The following POLR2D variants were observed in gnomAD, a reference collection of about 807,000 sequenced individuals.
POLR2D encodes DNA-directed RNA polymerase II subunit RPB4.
In POLR2D, 10 loss-of-function variants were observed where a neutral mutation model predicts 17.6. The ratio of observed to expected loss-of-function variants is 0.57; its 90% CI spans 0.35 to 0.96. POLR2D has a LOEUF of 0.96. Ranked by LOEUF, POLR2D falls within the 40% of genes least tolerant of loss-of-function variation. The pLI is 0.02. For missense variants in POLR2D, 126 were observed against 176.4 expected, an observed-to-expected ratio of 0.71 and a Z score of 1.62; for synonymous variants, 52 against 60.2, an observed-to-expected ratio of 0.86 and a Z score of 0.63.
intron 1 of POLR2D, among the ~76,000 whole-genome samples, chr2:127,855,357 C>T (rs1272600643): frequency 7.3e-6 from 1 of 137,250 alleles, no homozygotes; most frequent in Admixed American, 7.9e-5. Flanking sequence ...TGTGCCACTG[C>T]ACTCCAGCCT....
At chr2:127,849,648 AT>A (rs139341086) in intron 3 of POLR2D, among the ~76,000 whole-genome samples, 1 of 150,394 alleles carries the variant, frequency 6.6e-6, no homozygotes, top group South Asian at 2.1e-4. Context: ...TAGTTCATTG[AT>A]TTTTTTTTTA....
At chr2:127,855,195 G>A (rs932304435) in intron 1 of POLR2D, among the ~76,000 whole-genome samples, 1 of 151,826 alleles carries the variant, frequency 6.6e-6, no homozygotes, top group Non-Finnish European at 1.5e-5. Context: ...TCAGGAGTTC[G>A]AGACCAGCCT....
chr2:127,857,350 G>C (rs907575575), intron 1 of POLR2D, among the ~76,000 whole-genome samples: 7 of 152,144 alleles, frequency 4.6e-5, no homozygotes, highest in African/African-American at 1.7e-4. Context: ...TAAAGTGTAA[G>C]ACAGCTGTAT....
rs1197083610 is a variant in POLR2D, at chr2:127,852,812, A to G, written c.254+113T>C. On this transcript the variant is annotated intron_variant, in intron 2 of 3. Transcript: ENST00000272645. This position sits in a 1 kb window ranked among gnomAD's most constrained non-coding sequence, Gnocchi z 4.0. Reference sequence around the variant, plus strand: ...GGGTGTGAGCCACCATGCCCAGCCTAACATTATTTTACTTAAATTCACAAG... The same window carrying G: ...GGGTGTGAGCCACCATGCCCAGCCTGACATTATTTTACTTAAATTCACAAG... 1 of 780,844 alleles carries G rather than the reference A, an allele frequency of 1.3e-6. No homozygotes were observed. The highest frequency in any genetic ancestry group is 1.7e-5 in the South Asian group (1 of 59,352). 48.4% of individuals were successfully genotyped at this position (780,844 alleles called of 1,614,324 possible). A position where few individuals can be genotyped will look rare whatever the true frequency, so the allele number is the denominator to read the frequency against.
chr2:127,853,310 T>C (rs1245430229), intron 1 of POLR2D, among the ~76,000 whole-genome samples: 1 of 152,146 alleles, frequency 6.6e-6, no homozygotes, highest in African/African-American at 2.4e-5. Flanking sequence ...TTGTGAAGGT[T>C]TGGCGAACAG....
At chr2:127,856,019 C>T (rs1299221976) in intron 1 of POLR2D, among the ~76,000 whole-genome samples, 1 of 152,100 alleles carries the variant, frequency 6.6e-6, no homozygotes, top group Admixed American at 6.5e-5. Context: ...CAGTGGCTCA[C>T]ACCTATACTT....
At chr2:127,850,873 G>A (rs191872963) in intron 2 of POLR2D, among the ~76,000 whole-genome samples, 188 bp from the exon 3 acceptor site, 1 of 152,268 alleles carries the variant, frequency 6.6e-6, no homozygotes, top group East Asian at 1.9e-4. Flanking sequence ...ATCACTTGAC[G>A]TGAGGAGTTC....
chr2:127,857,588 C>T (rs555073568), intron 1 of POLR2D, among the ~76,000 whole-genome samples: 13 of 152,338 alleles, frequency 8.5e-5, no homozygotes, highest in African/African-American at 3.1e-4. Flanking sequence ...CTCCTCTTCC[C>T]GCTTTTTTAC....
intron 1 of POLR2D, among the ~76,000 whole-genome samples, chr2:127,855,177 A>G (rs72838404): frequency 0.083 from 12,653 of 152,026 alleles, 605 homozygotes; most frequent in Middle Eastern, 0.22. Flanking sequence ...CAGGTGAATC[A>G]CCTGAGGTCA....
chr2:127,848,375 T>A (rs1476688578), intron 3 of POLR2D, among the ~76,000 whole-genome samples, 190 bp from the exon 4 acceptor site: 1 of 152,160 alleles, frequency 6.6e-6, no homozygotes, highest in Non-Finnish European at 1.5e-5. Flanking sequence ...ATAAAAAATA[T>A]ACCTTTACAG....
rs1340727594 is a variant in POLR2D, at chr2:127,848,185, G to A, written c.351C>T (p.Ser117=). 1 of 1,603,020 alleles carries A rather than the reference G, an allele frequency of 6.2e-7. No homozygotes were observed. The highest frequency in any genetic ancestry group is 1.3e-5 in the African/African-American group (1 of 74,384). The change falls in exon 4 of 4, where the codon AGC becomes AGT. Residue 117 remains serine, a splice_region_variant and synonymous_variant. Transcript: ENST00000272645. ...TAEESKALIP[S]LEGRFEDEEL... ...CCTCATCTTCAAACCGTCCCTCCAA[G>A]CTACAAGAAAATGAAAAGAAATGAG...
chr2:127,857,514 G>GT (rs377060802), intron 1 of POLR2D, among the ~76,000 whole-genome samples: 59 of 152,310 alleles, frequency 3.9e-4, no homozygotes, highest in Non-Finnish European at 4.6e-4. Flanking sequence ...CTGTGGGAGG[G>GT]TAGGGGCCTA....
At position 127,847,571 on chromosome 2, in the gene POLR2D, G is replaced by C. The variant is rs1690176800; in HGVS notation, c.*536C>G. ...GAGGCAGCGGGGTCAAGACTTCAGT[G>C]AGCCATGACTGTACGACTGCACTCC... On this transcript the variant is annotated 3_prime_UTR_variant, in exon 4 of 4. Coordinates refer to ENST00000272645, the MANE Select transcript of POLR2D (RefSeq NM_004805.4). The C allele has an allele frequency of 6.4e-6, 1 of 155,380 alleles. No homozygotes were observed. The highest frequency in any genetic ancestry group is 6.2e-5 in the Admixed American group (1 of 16,014). The allele number at this position is 155,380 out of a possible 1,614,324, so 9.6% of individuals were successfully genotyped here.
rs1690103854 is a variant in POLR2D, at chr2:127,843,563, T to G, written c.*4544A>C. On this transcript the variant is annotated 3_prime_UTR_variant, in exon 4 of 4. Coordinates refer to ENST00000272645, the MANE Select transcript of POLR2D (RefSeq NM_004805.4). ...TATCTGACACCAGTGGCATATTTAG[T>G]GCTTTTTATTAACAGTATTACTAAG... is the stretch of plus-strand genomic sequence containing the variant. 1 of 152,272 alleles carries G rather than the reference T, an allele frequency of 6.6e-6. No homozygotes were observed. The allele number at this position is 152,272 out of a possible 1,614,324, so 9.4% of individuals were successfully genotyped here.
chr2:127,853,396 A>G (rs1690280136), intron 1 of POLR2D, among the ~76,000 whole-genome samples: 2 of 152,100 alleles, frequency 1.3e-5, no homozygotes, highest in African/African-American at 2.4e-5. Flanking sequence ...CCCCTCAACT[A>G]GGCCTCAGTG....
chr2:127,850,440 C>CAAAAAA lies in POLR2D; in HGVS notation c.350+144_350+149dup, dbSNP rs60975701. On this transcript the variant is annotated intron_variant, in intron 3 of 3. Coordinates refer to ENST00000272645, the MANE Select transcript of POLR2D (RefSeq NM_004805.4). Reference sequence around the variant, plus strand: ...GGGCAACAAGAGCGAAACTCCGTCTCAAAAAAAAAAAAAAAAAAAAAAAAG... The same window carrying CAAAAAA: ...GGGCAACAAGAGCGAAACTCCGTCTCAAAAAAAAAAAAAAAAAAAAAAAAAAAAAAG... 9.6e-3 allele frequency: 1,046 copies of CAAAAAA among 108,430 alleles called. 51 individuals are homozygous for CAAAAAA. Among genetic ancestry groups the CAAAAAA allele is most frequent in the African/African-American group, 0.023 (310 of 13,364 alleles). The allele number at this position is 108,430 out of a possible 1,614,324, so 6.7% of individuals were successfully genotyped here. A position where few individuals can be genotyped will look rare whatever the true frequency, so the allele number is the denominator to read the frequency against.
chr2:127,854,003 G>A (rs754412725), intron 1 of POLR2D, among the ~76,000 whole-genome samples: 3 of 151,968 alleles, frequency 2.0e-5, no homozygotes, highest in South Asian at 4.1e-4. Flanking sequence ...CCCTCTAGCC[G>A]GCATCAGCTC....
intron 2 of POLR2D, among the ~76,000 whole-genome samples, chr2:127,851,850 G>C (rs751770075): frequency 5.9e-5 from 9 of 152,174 alleles, no homozygotes; most frequent in Admixed American, 2.0e-4. Context: ...CAGTGCAGTG[G>C]CACGATCTTG....
rs1287119861 is a variant in POLR2D, at chr2:127,844,096, C to G, written c.*4011G>C. Reference sequence around the variant, plus strand: ...TCCAGCCTGGGCGACAGAGCAAGATCCTGCTGTATCCAAAAAAAAAAAAAA... The same window carrying G: ...TCCAGCCTGGGCGACAGAGCAAGATGCTGCTGTATCCAAAAAAAAAAAAAA... On this transcript the variant is annotated 3_prime_UTR_variant, in exon 4 of 4. Coordinates refer to ENST00000272645, the MANE Select transcript of POLR2D (RefSeq NM_004805.4). 1.2e-5 allele frequency: 1 copy of G among 81,792 alleles called. No homozygotes were observed. Among genetic ancestry groups the G allele is most frequent in the Non-Finnish European group, 2.4e-5 (1 of 42,206 alleles). 5.1% of individuals were successfully genotyped at this position (81,792 alleles called of 1,614,324 possible).
Sources: allele counts gnomAD v4.1 joint callset (sites outside exome capture counted in the v4.1 genomes callset), GRCh38; gene constraint gnomAD v4.1.1; non-coding constraint Gnocchi (gnomAD v3.1); transcripts MANE v1.5; gene names NCBI Gene and HGNC (gene_info 2026-07-23, HGNC 2026-07-21).